Variants in UBR4 observed in about 807,000 individuals in gnomAD.
The protein encoded by UBR4 is E3 ubiquitin-protein ligase UBR4.
Under a neutral mutation model 575.6 loss-of-function variants are expected in UBR4, and 124 were observed. The ratio of observed to expected loss-of-function variants is 0.22; its 90% CI spans 0.19 to 0.25. The LOEUF is 0.25. Among genes scored for constraint, UBR4 ranks in the 10% least tolerant of loss-of-function variants. UBR4 has a pLI of 1.00. For missense variants in UBR4, 4,818 were observed against 6,478.8 expected, an observed-to-expected ratio of 0.74 and a Z score of 8.80; for synonymous variants, 2,455 against 2,473.7, an observed-to-expected ratio of 0.99 and a Z score of 0.22.
rs1215754033 is a variant in UBR4 at position 19,106,871 on chromosome 1, G to A, written c.12201C>T (p.Ser4067=). ...GAAGACACTTCTTCCAGGCATCATA[G>A]GATGCCTTGGGGTCTCTCTTGAGCC... ...QLWLKRDPKA[S]YDAWKKCLPI... Residue 4067 remains serine, a synonymous_variant, in exon 82 of 106, where the codon TCC becomes TCT. Coordinates refer to ENST00000375254, the MANE Select transcript of UBR4 (RefSeq NM_020765.3). 4.3e-6 allele frequency: 7 copies of A among 1,613,784 alleles called. No homozygotes were observed. In the African/African-American group the frequency reaches 9.3e-5, roughly 22 times the overall value.
chr1:19,194,029 G>A (rs1335992639), intron 8 of UBR4, among the ~76,000 whole-genome samples: 1 of 152,144 alleles, frequency 6.6e-6, no homozygotes, highest in Admixed American at 6.6e-5. Context: ...GGTGTTACCA[G>A]GGGTCGAGGG....
Position 19,151,642 on chromosome 1 carries a change from C to T in UBR4, c.7213+1G>A. 1 of 1,614,198 alleles carries T rather than the reference C, an allele frequency of 6.2e-7. No individual in the cohort carries two copies. Among genetic ancestry groups the T allele is most frequent in the Non-Finnish European group, 8.5e-7 (1 of 1,180,018 alleles). ...GTCTGCACCAGGGGTTGGTGACTCACTGAAGAGGTTCAGCTTCTTATCAGC... is the reference window on the plus strand; with the variant it reads ...GTCTGCACCAGGGGTTGGTGACTCATTGAAGAGGTTCAGCTTCTTATCAGC... On this transcript the variant is annotated splice_donor_variant, in intron 48 of 105. Transcript: ENST00000375254. LOFTEE classifies it high-confidence loss of function.
chr1:19,179,979 G>T (rs1571527390), intron 17 of UBR4, among the ~76,000 whole-genome samples: 1 of 152,166 alleles, frequency 6.6e-6, no homozygotes, highest in East Asian at 1.9e-4. Context: ...CCCTGGAAAT[G>T]AATGTTTCGC....
At chr1:19,201,392 G>A (rs183894201) in intron 2 of UBR4, among the ~76,000 whole-genome samples, 5 of 152,188 alleles carry the variant, frequency 3.3e-5, no homozygotes, top group Middle Eastern at 3.4e-3. Flanking sequence ...ATCCACCACC[G>A]CCTTCCCCCC....
Position 19,174,938 on chromosome 1 carries a change from T to C in UBR4, c.2853+16A>G, listed in dbSNP as rs758868517. 2 of 1,610,838 alleles carry C rather than the reference T, an allele frequency of 1.2e-6. No individual in the cohort carries two copies. The highest frequency in any genetic ancestry group is 8.5e-7 in the Non-Finnish European group (1 of 1,177,786). ...TCTGACCCACATATAAAATGCAGTTTTAAAATTCCTAGTACCACAGAATCA... is the reference window on the plus strand; with the variant it reads ...TCTGACCCACATATAAAATGCAGTTCTAAAATTCCTAGTACCACAGAATCA... On this transcript the variant is annotated intron_variant, in intron 21 of 105. Transcript: ENST00000375254.
chr1:19,081,899 G>T, intron 102 of UBR4: 1 of 618,914 alleles, frequency 1.6e-6, no homozygotes, highest in African/African-American at 1.8e-5. Flanking sequence ...CCCCAACATG[G>T]AACTGTGCTA....
At position 19,092,989 on chromosome 1, in the gene UBR4, T is replaced by A. The variant is rs1570360007; in HGVS notation, c.14112-71A>T. The A allele has an allele frequency of 9.2e-6, 13 of 1,418,894 alleles. No individual in the cohort carries two copies. In the East Asian group the frequency reaches 2.8e-4, roughly 31 times the overall value. The allele number at this position is 1,418,894 out of a possible 1,614,324, so 87.9% of individuals were successfully genotyped here. On this transcript the variant is annotated intron_variant, in intron 96 of 105. Transcript: ENST00000375254. ...CTACCTAGAAACCAGTTGTTGACTCTGGCTTGTTTAAACCCCCAGGGCATG... is the reference window on the plus strand; with the variant it reads ...CTACCTAGAAACCAGTTGTTGACTCAGGCTTGTTTAAACCCCCAGGGCATG...
intron 17 of UBR4, among the ~76,000 whole-genome samples, chr1:19,183,435 C>G (rs2091208145): frequency 6.6e-6 from 1 of 152,224 alleles, no homozygotes; most frequent in South Asian, 2.1e-4. Context: ...ACAATTGGAG[C>G]TACAGGCCGG....
Position 19,076,765 on chromosome 1 carries a change from G to T in UBR4, c.15462C>A (p.Thr5154=). The stretch of plus-strand genomic sequence containing the variant: ...CGGCCACATCGAGGAACTCTGAGAA[G>T]GTCTCCACTGGCATGAACTCCTCCT... ...TFQEEFMPVE[T]FSEFLDVAGL... is the part of the protein sequence containing the mutation. Residue 5154 remains threonine (T), a synonymous_variant, in exon 105 of 106, where the codon ACC becomes ACA. Transcript: ENST00000375254. 1 of 1,614,164 alleles carries T rather than the reference G, an allele frequency of 6.2e-7. No individual in the cohort carries two copies. The highest frequency in any genetic ancestry group is 8.5e-7 in the Non-Finnish European group (1 of 1,180,038).
intron 44 of UBR4, among the ~76,000 whole-genome samples, chr1:19,154,553 C>T (rs913912062): frequency 6.6e-6 from 1 of 152,174 alleles, no homozygotes; most frequent in Admixed American, 6.5e-5. Context: ...GAGTAAGTCT[C>T]CCCAGGAGAA....
In UBR4 at chr1:19,110,153, G is replaced by A. The variant is rs1196478794; in HGVS notation, c.12048C>T (p.Cys4016=). ...TTATCAGCTTCTGCAAGATCCTCAG[G>A]CACATGAGGGTAATGTTTTCAACCA... ...PVVVENITLM[C]LRILQKLIKP... is the part of the protein sequence containing the mutation. Residue 4016 remains cysteine, a synonymous_variant, in exon 81 of 106, where the codon TGC becomes TGT. Coordinates refer to ENST00000375254, the MANE Select transcript of UBR4 (RefSeq NM_020765.3). This position sits in a 1 kb window ranked among gnomAD's most constrained non-coding sequence, Gnocchi z 4.5. 1 of 1,614,132 alleles carries A rather than the reference G, an allele frequency of 6.2e-7. No homozygotes were observed. Among genetic ancestry groups the A allele is most frequent in the Non-Finnish European group, 8.5e-7 (1 of 1,180,028 alleles).
intron 39 of UBR4, among the ~76,000 whole-genome samples, chr1:19,158,745 G>T (rs1201659964): frequency 6.6e-6 from 1 of 152,014 alleles, no homozygotes; most frequent in African/African-American, 2.4e-5. Flanking sequence ...TTACAGGCAT[G>T]AGCCACTGCA....
At chr1:19,155,995 G>A (rs1223754866) in intron 42 of UBR4, among the ~76,000 whole-genome samples, 1 of 152,142 alleles carries the variant, frequency 6.6e-6, no homozygotes, top group Non-Finnish European at 1.5e-5. Context: ...CATAGCAAAA[G>A]TGACAAAATA....
At position 19,098,722 on chromosome 1, in the gene UBR4, CG is replaced by C. The variant is rs1557566395; in HGVS notation, c.13302+874del. Among the ~76,000 whole-genome samples, 9 of 152,182 alleles carry C rather than the reference CG, an allele frequency of 5.9e-5. No homozygotes were observed. The South Asian group carries it at 1.7e-3, about 28-fold the overall frequency. The stretch of plus-strand genomic sequence containing the variant: ...AGTGGGAGAAAAGAAAGGAGAGAGG[CG>C]GAAATATGTAACAAATTGAAGATCA... On this transcript the variant is annotated intron_variant, in intron 90 of 105. Transcript: ENST00000375254.
chr1:19,164,397 G>A lies in UBR4; in HGVS notation c.4556C>T (p.Thr1519Ile). ...GVCAVLLGTL[T>I]PMATEMLANG... is the part of the protein sequence containing the mutation. ...GGCCAGCATCTCTGTTGCCATGGGAGTCAGGGTGCCCAGAAGAACAGCACA... is the reference window on the plus strand; with the variant it reads ...GGCCAGCATCTCTGTTGCCATGGGAATCAGGGTGCCCAGAAGAACAGCACA... The change falls in exon 33 of 106, where the codon ACT (threonine) becomes ATT (isoleucine). Residue 1519 changes from threonine to isoleucine, a missense_variant. Thr to Ile is a moderately conservative substitution (Grantham distance 89). Coordinates refer to ENST00000375254, the MANE Select transcript of UBR4 (RefSeq NM_020765.3). The A allele has an allele frequency of 1.2e-6, 2 of 1,614,196 alleles. No individual in the cohort carries two copies. Among genetic ancestry groups the A allele is most frequent in the Non-Finnish European group, 1.7e-6 (2 of 1,180,038 alleles).
chr1:19,137,551 A>G (rs1570959928), intron 60 of UBR4, among the ~76,000 whole-genome samples: 2 of 152,180 alleles, frequency 1.3e-5, no homozygotes, highest in South Asian at 2.1e-4. Flanking sequence ...CCATATGCAT[A>G]TATTTGCTAT....
intron 11 of UBR4, among the ~76,000 whole-genome samples, chr1:19,190,214 A>T (rs1282404146): frequency 6.8e-6 from 1 of 147,624 alleles, no homozygotes; most frequent in African/African-American, 2.5e-5. Context: ...AATTGCTTGA[A>T]CCTGGGAGGC....
intron 65 of UBR4, 175 bp downstream of exon 65, chr1:19,124,366 C>T: frequency 1.3e-6 from 1 of 777,600 alleles, no homozygotes; most frequent in Non-Finnish European, 1.9e-6. Context: ...TGATACACAT[C>T]TCCCACAGTT....
At chr1:19,086,080 A>G (rs953276777) in intron 101 of UBR4, 65 bp downstream of exon 101, 5 of 1,579,748 alleles carry the variant, frequency 3.2e-6, no homozygotes, top group African/African-American at 2.7e-5. Context: ...TTGGGCTGAT[A>G]GCGGGTCTTG....
Sources: allele counts gnomAD v4.1 joint callset (sites outside exome capture counted in the v4.1 genomes callset), GRCh38; gene constraint gnomAD v4.1.1; non-coding constraint Gnocchi (gnomAD v3.1); transcripts MANE v1.5; gene names NCBI Gene and HGNC (gene_info 2026-07-23, HGNC 2026-07-21).